The following KIF15 variants were observed in gnomAD, a reference collection of about 807,000 sequenced individuals.
KIF15 encodes kinesin family member 15, also known as kinesin-like protein KIF15.
KIF15 carries 140 observed loss-of-function variants against 190.6 expected under a neutral mutation model. The observed-to-expected ratio is 0.73, with a 90% confidence interval of 0.64 to 0.84. KIF15 has a LOEUF of 0.84. Among genes scored for constraint, KIF15 ranks in the 40% least tolerant of loss-of-function variants. The probability of loss-of-function intolerance (pLI) is 0.00; values close to 1 mark genes in which losing one functional copy is unlikely to be tolerated. For synonymous variants in KIF15, 528 were observed against 551.3 expected (o/e 0.96, Z 0.59); for missense variants, 1,372 against 1,584.4 (o/e 0.87, Z 2.28).
intron 6 of KIF15, among the ~76,000 whole-genome samples, chr3:44,864,809 C>A (rs950676150): frequency 1.3e-5 from 2 of 152,192 alleles, no homozygotes; most frequent in Admixed American, 1.3e-4. Context: ...TCTGCTGGGT[C>A]TTTCTTGTGT....
intron 6 of KIF15, chr3:44,865,350 C>A: frequency 1.2e-6 from 1 of 816,756 alleles, no homozygotes; most frequent in Non-Finnish European, 1.9e-6. Flanking sequence ...AGAGGTGCAG[C>A]TGCAGCAGTG....
chr3:44,773,266 G>A (rs1268337390), intron 1 of KIF15, among the ~76,000 whole-genome samples: 1 of 152,228 alleles, frequency 6.6e-6, no homozygotes, highest in Non-Finnish European at 1.5e-5. Flanking sequence ...ATGCAAATGA[G>A]TTTTTGCAGC....
intron 20 of KIF15, among the ~76,000 whole-genome samples, chr3:44,825,270 A>G (rs1697578931): frequency 6.6e-6 from 1 of 152,242 alleles, no homozygotes; most frequent in Non-Finnish European, 1.5e-5. Context: ...CCATAAATAC[A>G]TAAATATGTT....
chr3:44,815,428 C>T (rs182079113), intron 20 of KIF15, among the ~76,000 whole-genome samples: 56 of 152,330 alleles, frequency 3.7e-4, no homozygotes, highest in Middle Eastern at 3.4e-3. Flanking sequence ...AATTCTCTCT[C>T]CCAATAGCCA....
At chr3:44,846,771 C>CAAAAAAA (rs765234089) in intron 30 of KIF15, among the ~76,000 whole-genome samples, 1 of 67,812 alleles carries the variant, frequency 1.5e-5, no homozygotes, top group Non-Finnish European at 3.0e-5. Flanking sequence ...GACTCTGTCT[C>CAAAAAAA]AAAAAAAAAA....
chr3:44,800,037 C>G (rs913104589), intron 10 of KIF15, among the ~76,000 whole-genome samples: 1 of 152,018 alleles, frequency 6.6e-6, no homozygotes, highest in Non-Finnish European at 1.5e-5. Flanking sequence ...CACCCGGATC[C>G]TAAGGGTGAC....
At chr3:44,858,261 A>G (rs946772747) in intron 6 of KIF15, among the ~76,000 whole-genome samples, 5 of 152,248 alleles carry the variant, frequency 3.3e-5, no homozygotes, top group African/African-American at 9.6e-5. Flanking sequence ...AATTTGGTTG[A>G]TAAGGCGCAG....
chr3:44,827,545 T>C lies in KIF15; in HGVS notation c.2856+17T>C. On this transcript the variant is annotated intron_variant, in intron 23 of 34. Transcript: ENST00000326047. ...GAGCAGCAGGTAAAATTCCTGTTAC[T>C]CTAACTCTAGTATTTGAAGTTTATA... is the stretch of plus-strand genomic sequence containing the variant. 3.3e-6 allele frequency: 5 copies of C among 1,522,612 alleles called. No individual in the cohort carries two copies. Among genetic ancestry groups the C allele is most frequent in the Non-Finnish European group, 4.6e-6 (5 of 1,097,968 alleles). 94.3% of individuals were successfully genotyped at this position (1,522,612 alleles called of 1,614,324 possible). A position where few individuals can be genotyped will look rare whatever the true frequency, so the allele number is the denominator to read the frequency against.
At chr3:44,774,889 C>G (rs1229465390) in intron 2 of KIF15, among the ~76,000 whole-genome samples, 2 of 152,176 alleles carry the variant, frequency 1.3e-5, no homozygotes, top group Non-Finnish European at 2.9e-5. Flanking sequence ...AACCTGAGGT[C>G]AGGAGTTCAA....
intron 20 of KIF15, among the ~76,000 whole-genome samples, chr3:44,820,175 C>A (rs1236597710): frequency 1.3e-5 from 2 of 152,128 alleles, no homozygotes; most frequent in East Asian, 3.8e-4. Flanking sequence ...ATACAGCACA[C>A]CAATGGGTCT....
chr3:44,851,638 G>A, intron 32 of KIF15, 149 bp from the exon 33 acceptor site: 1 of 564,486 alleles, frequency 1.8e-6, no homozygotes, highest in Non-Finnish European at 3.1e-6. Context: ...AGCACTTACT[G>A]TCTTCTTTTG....
chr3:44,864,082 G>T, intron 6 of KIF15: 1 of 1,304,194 alleles, frequency 7.7e-7, no homozygotes. Flanking sequence ...CTGAGCTGTA[G>T]TGGGAGCTCA....
In KIF15 at chr3:44,831,013, A is replaced by T; in HGVS notation, c.3166A>T (p.Ile1056Leu). The T allele has an allele frequency of 6.2e-7, 1 of 1,613,918 alleles. No individual in the cohort carries two copies. Among genetic ancestry groups the T allele is most frequent in the South Asian group, 1.1e-5 (1 of 91,026 alleles). ...TLRLRILSED[I>L]ERDMLCEDLA... ...TAGGCTGAGAATACTTTCTGAGGAC[A>T]TAGAGGTAGGTATTAACGCATCACA... The change falls in exon 26 of 35, where the codon ATA becomes TTA. Residue 1056 changes from isoleucine to leucine, a missense_variant. By Grantham distance (5) the Ile-to-Leu change is conservative. Transcript: ENST00000326047.
Position 44,802,905 on chromosome 3 carries a change from A to G in KIF15, c.1601A>G (p.Lys534Arg). 6.2e-7 allele frequency: 1 copy of G among 1,612,712 alleles called. No homozygotes were observed. The highest frequency in any genetic ancestry group is 1.3e-5 in the African/African-American group (1 of 74,936). The part of the protein sequence containing the change: ...NRRLRLLEPV[K>R]RAQEMDAQTI... ...AGACTGAGATTATTAGAGCCTGTGA[A>G]AAGAGCTCAAGAAATGGATGCCCAG... The change falls in exon 14 of 35, where the codon AAA becomes AGA. Residue 534 changes from lysine (K) to arginine (R), a missense_variant. Coordinates refer to ENST00000326047, the MANE Select transcript of KIF15 (RefSeq NM_020242.3).
At chr3:44,858,471 C>T (rs975976432) in intron 6 of KIF15, among the ~76,000 whole-genome samples, 14 of 151,798 alleles carry the variant, frequency 9.2e-5, no homozygotes, top group Admixed American at 2.0e-4. Context: ...GATAGTAATG[C>T]GCGTGTGATG....
At chr3:44,864,473 C>A (rs992069313) in intron 6 of KIF15, 1 of 1,099,190 alleles carries the variant, frequency 9.1e-7, no homozygotes, top group Non-Finnish European at 1.3e-6. Context: ...TGTGGCTTGA[C>A]CCCTGGATGA....
intron 1 of KIF15, among the ~76,000 whole-genome samples, chr3:44,773,148 A>AC (rs1328113619): frequency 6.7e-6 from 1 of 148,234 alleles, no homozygotes; most frequent in Non-Finnish European, 1.5e-5. Context: ...AAAAAAAAAA[A>AC]ACAACAACAA....
Position 44,852,253 on chromosome 3 carries a change from A to G in KIF15, c.4018A>G (p.Asn1340Asp), listed in dbSNP as rs993772766. 1.2e-6 allele frequency: 2 copies of G among 1,613,594 alleles called. No homozygotes were observed. Among genetic ancestry groups the G allele is most frequent in the Non-Finnish European group, 1.7e-6 (2 of 1,179,638 alleles). ...GCAGGTGGAGTGTCTTGCTGAGGAA[A>G]ATGGAAAGTTGGTAGGTCACCAAAA... is the stretch of plus-strand genomic sequence containing the variant. ...RKQVECLAEE[N>D]GKLVGHQNLH... Residue 1340 changes from asparagine to aspartate, a missense_variant, in exon 34 of 35, where the codon AAT (asparagine) becomes GAT (aspartate). By Grantham distance (23) the Asn-to-Asp change is conservative. Transcript: ENST00000326047.
Position 44,846,333 on chromosome 3 carries a change from A to G in KIF15, c.3696-1652A>G, listed in dbSNP as rs143537452. On this transcript the variant is annotated intron_variant, in intron 30 of 34. Transcript: ENST00000326047. The stretch of plus-strand genomic sequence containing the variant: ...AAGGACCGTATTTGTGACTAATTGT[A>G]TAACAGGTTAGTTTAGTTTCTGTTC... Among the ~76,000 whole-genome samples the G allele has an allele frequency of 1.3e-3, 203 of 152,326 alleles. 1 individual carries two copies. The highest frequency in any genetic ancestry group is 8.8e-4 in the Non-Finnish European group (60 of 68,020).
Sources: allele counts gnomAD v4.1 joint callset (sites outside exome capture counted in the v4.1 genomes callset), GRCh38; gene constraint gnomAD v4.1.1; transcripts MANE v1.5; gene names NCBI Gene and HGNC (gene_info 2026-07-23, HGNC 2026-07-21).